Variants in KAZN observed in about 807,000 individuals in gnomAD.
The protein encoded by KAZN is kazrin.
A neutral mutation model predicts 87.4 loss-of-function variants in KAZN; 40 were observed. The observed-to-expected ratio is 0.46, with a 90% confidence interval of 0.36 to 0.60. The LOEUF (loss-of-function observed/expected upper bound fraction) is 0.60, where lower values mean the gene tolerates loss of function less well. Among genes scored for constraint, KAZN ranks in the 20% least tolerant of loss-of-function variants. The probability of loss-of-function intolerance (pLI) is 0.00; values close to 1 mark genes in which losing one functional copy is unlikely to be tolerated. For missense variants in KAZN, 898 were observed against 1,073.9 expected, an observed-to-expected ratio of 0.84 and a Z score of 2.29; for synonymous variants, 466 against 458.3, an observed-to-expected ratio of 1.02 and a Z score of -0.22.
In KAZN at chr1:15,112,438, T is replaced by G; in HGVS notation, c.2060T>G (p.Ile687Ser). 2 of 1,597,774 alleles carry G rather than the reference T, an allele frequency of 1.3e-6. No individual in the cohort carries two copies. The highest frequency in any genetic ancestry group is 1.3e-5 in the African/African-American group (1 of 74,762). Residue 687 changes from isoleucine to serine, a missense_variant, in exon 14 of 15, where the codon ATC (isoleucine) becomes AGC (serine). By Grantham distance (142) the Ile-to-Ser change is moderately radical. Around this residue, in one of 3 missense-constraint regions of KAZN, gnomAD observed 127 missense variants for 121.5 expected, o/e 1.04. Transcript: ENST00000376030. Reference protein sequence around the residue: ...AVFHPANSTGIREAERFGTPP... With the variant: ...AVFHPANSTGSREAERFGTPP... ...GGTCCTCTCTTCAGCTCCACAGGCA[T>G]CCGGGAGGCTGAGCGTTTTGGAACG...
rs146471978 is a variant in KAZN, at chr1:15,094,363, C to T, written c.1406C>T (p.Thr469Met). 3.0e-3 allele frequency: 4,784 copies of T among 1,613,374 alleles called. 16 individuals are homozygous for T. The highest frequency in any genetic ancestry group is 4.6e-3 in the Admixed American group (277 of 59,926). Residue 469 changes from threonine (T) to methionine (M), a missense_variant, in exon 9 of 15, where the codon ACG (threonine) becomes ATG (methionine). Physicochemically the swap from Thr to Met is moderately conservative, Grantham distance 81. Transcript: ENST00000376030. This position sits in a 1 kb window ranked among gnomAD's most constrained non-coding sequence, Gnocchi z 4.5. ...MAMPMYVKAC[T>M]ENVKSGKVLL... is the part of the protein sequence containing the mutation. ...ATGCCTATGTACGTCAAGGCCTGCA[C>T]GGAGAACGTGAAGAGCGGGAAGGTA...
At chr1:14,141,289 G>C (rs2101767211) in intron 1 of KAZN, among the ~76,000 whole-genome samples, 1 of 149,124 alleles carries the variant, frequency 6.7e-6, no homozygotes, top group African/African-American at 2.5e-5. Flanking sequence ...AAAATGACAT[G>C]CTTGCCCCAA....
intron 2 of KAZN, chr1:14,391,428 T>G (rs1341285543): frequency 6.6e-6 from 1 of 152,370 alleles, no homozygotes; most frequent in Non-Finnish European, 1.5e-5. Flanking sequence ...CCCTGGGATA[T>G]CTTAACCTTA....
chr1:14,883,924 A>C (rs904663605), intron 1 of KAZN, among the ~76,000 whole-genome samples: 1 of 152,202 alleles, frequency 6.6e-6, no homozygotes, highest in African/African-American at 2.4e-5. Context: ...GTTTTACAGA[A>C]GAGAGAGGCA....
intron 2 of KAZN, among the ~76,000 whole-genome samples, chr1:14,280,580 C>T (rs1030368132): frequency 6.6e-6 from 1 of 151,974 alleles, no homozygotes; most frequent in Admixed American, 6.6e-5. Context: ...AGCAAGGCGA[C>T]AGGCACAGGA....
chr1:14,840,477 C>G (rs757581405), intron 1 of KAZN, among the ~76,000 whole-genome samples: 1 of 152,172 alleles, frequency 6.6e-6, no homozygotes, highest in Non-Finnish European at 1.5e-5. Flanking sequence ...AAACATGAAC[C>G]CAAGGGTGAA....
chr1:14,248,345 C>T (rs1265195971), intron 2 of KAZN, among the ~76,000 whole-genome samples: 1 of 152,212 alleles, frequency 6.6e-6, no homozygotes, highest in Non-Finnish European at 1.5e-5. Flanking sequence ...TTTCACTAAA[C>T]ATATATTTGT....
rs557320340 is a variant in KAZN at position 14,871,624 on chromosome 1, A to G, written c.227-89060A>G. ...TGAACTAAAAATATCACCTGCAGTG[A>G]GCCTGAGACATCTACATGAGCAGCA... On this transcript the variant is annotated intron_variant, in intron 1 of 14. Coordinates refer to ENST00000376030, the MANE Select transcript of KAZN (RefSeq NM_201628.3). 9.2e-4 allele frequency among the ~76,000 whole-genome samples: 139 copies of G among 150,922 alleles called. 1 individual carries two copies. The highest frequency in any genetic ancestry group is 3.2e-3 in the African/African-American group (132 of 41,030).
intron 2 of KAZN, among the ~76,000 whole-genome samples, chr1:14,280,639 A>G (rs903455518): frequency 5.3e-5 from 8 of 152,086 alleles, no homozygotes; most frequent in African/African-American, 1.7e-4. Context: ...TGATACCTTG[A>G]TCTTGGACTT....
At chr1:14,965,518 G>T (rs1207327143) in intron 2 of KAZN, among the ~76,000 whole-genome samples, 2 of 152,188 alleles carry the variant, frequency 1.3e-5, no homozygotes, top group Non-Finnish European at 2.9e-5. Context: ...TCTCTTAACA[G>T]CATGTCAGGT....
At chr1:14,275,833 A>G (rs1401874747) in intron 2 of KAZN, among the ~76,000 whole-genome samples, 2 of 152,248 alleles carry the variant, frequency 1.3e-5, no homozygotes, top group East Asian at 3.8e-4. Flanking sequence ...TTTACAACAC[A>G]GTAAACATGG....
At chr1:14,713,059 G>T (rs1285212550) in intron 1 of KAZN, among the ~76,000 whole-genome samples, 1 of 152,134 alleles carries the variant, frequency 6.6e-6, no homozygotes, top group Admixed American at 6.5e-5. Flanking sequence ...TGTCTGGGTG[G>T]TCAGGGGGCC....
chr1:15,110,186 G>C (rs1641487464), intron 13 of KAZN, among the ~76,000 whole-genome samples: 1 of 104,480 alleles, frequency 9.6e-6, no homozygotes, highest in Non-Finnish European at 2.1e-5. Context: ...TATGTGTGTT[G>C]TGTATGTGTG....
intron 1 of KAZN, among the ~76,000 whole-genome samples, chr1:13,963,261 A>G (rs574498601): frequency 2.0e-5 from 3 of 152,308 alleles, no homozygotes; most frequent in South Asian, 4.1e-4. Context: ...TGATTTAGAA[A>G]CATCAGAAGG....
At chr1:14,971,835 G>A (rs1665083448) in intron 2 of KAZN, among the ~76,000 whole-genome samples, 1 of 151,930 alleles carries the variant, frequency 6.6e-6, no homozygotes, top group African/African-American at 2.4e-5. Context: ...TCTGAAAATG[G>A]TCCCCGGGAA....
chr1:14,535,583 T>A (rs2148487397), intron 2 of KAZN, among the ~76,000 whole-genome samples: 1 of 152,104 alleles, frequency 6.6e-6, no homozygotes, highest in Non-Finnish European at 1.5e-5. Flanking sequence ...GGAGAATCGC[T>A]TGAACCAGGG....
At chr1:15,001,595 A>G (rs1228806263) in intron 2 of KAZN, among the ~76,000 whole-genome samples, 1 of 152,138 alleles carries the variant, frequency 6.6e-6, no homozygotes, top group African/African-American at 2.4e-5. Flanking sequence ...CTTTCCACAG[A>G]GCCTGGCACA....
chr1:13,976,789 A>G (rs1570433338), intron 1 of KAZN, among the ~76,000 whole-genome samples: 1 of 152,132 alleles, frequency 6.6e-6, no homozygotes, highest in African/African-American at 2.4e-5. Context: ...TAGTGGCAGC[A>G]CTGTGTGTTT....
chr1:14,502,079 G>A (rs1670287458), intron 2 of KAZN, among the ~76,000 whole-genome samples: 1 of 152,070 alleles, frequency 6.6e-6, no homozygotes, highest in Non-Finnish European at 1.5e-5. Flanking sequence ...AAAAGCCACT[G>A]AACTGTAGAC....
Sources: gnomAD v4.1 joint callset for allele counts (sites outside exome capture counted in the v4.1 genomes callset) on GRCh38, gnomAD v4.1.1 for gene constraint, gnomAD v4.1.1 regional missense constraint, Gnocchi (gnomAD v3.1) non-coding constraint, MANE v1.5 for transcripts, NCBI Gene and HGNC (gene_info 2026-07-23, HGNC 2026-07-21) for gene names.